The following RNF10 variants were observed in gnomAD, a reference collection of about 807,000 sequenced individuals.
The protein encoded by RNF10 is E3 ubiquitin-protein ligase RNF10.
RNF10 carries 38 observed loss-of-function variants against 91.4 expected under a neutral mutation model. The observed-to-expected ratio is 0.42, with a 90% CI of 0.32 to 0.54. The LOEUF is 0.54. Among genes scored for constraint, RNF10 ranks in the 20% least tolerant of loss-of-function variants. RNF10 has a pLI of 0.16. For missense variants in RNF10, 945 were observed against 1,012.0 expected (o/e 0.93, Z 0.90); for synonymous variants, 364 against 366.3 (o/e 0.99, Z 0.07).
In RNF10 at chr12:120,563,574, G is replaced by A; in HGVS notation, c.1482G>A (p.Lys494=). The A allele has an allele frequency of 1.2e-6, 2 of 1,613,444 alleles. No homozygotes were observed. Among genetic ancestry groups the A allele is most frequent in the Non-Finnish European group, 1.7e-6 (2 of 1,179,614 alleles). ...TESSQQEPIT[K]SGFTRLSSSP... is the part of the protein sequence containing the mutation. ...CCAGCCAGCAGGAACCCATCACCAA[G>A]TCAGGCTTCACACGCCTCAGCAGCT... The change falls in exon 9 of 17, where the codon AAG becomes AAA. Residue 494 remains lysine, a synonymous_variant. Coordinates refer to ENST00000325954, the MANE Select transcript of RNF10 (RefSeq NM_014868.5).
intron 13 of RNF10, among the ~76,000 whole-genome samples, chr12:120,569,874 C>G (rs1287498007): frequency 6.6e-6 from 1 of 151,572 alleles, no homozygotes; most frequent in Non-Finnish European, 1.5e-5. Context: ...CACATACTGT[C>G]TTTTCTGAAA....
chr12:120,542,079 GATGGTCTTGATCTCCTGACC>G (rs1871657050), intron 1 of RNF10, among the ~76,000 whole-genome samples: 2 of 151,632 alleles, frequency 1.3e-5, no homozygotes, highest in Admixed American at 1.3e-4. Flanking sequence ...TGTTAGCCAG[GATGGTCTTGATCTCCTGACC>G]TCGTGATCCA....
intron 2 of RNF10, among the ~76,000 whole-genome samples, chr12:120,551,574 C>T (rs1873099823): frequency 6.6e-6 from 1 of 151,882 alleles, no homozygotes; most frequent in Non-Finnish European, 1.5e-5. Context: ...GCTGGGATTA[C>T]AGGCATGAGC....
At chr12:120,576,003 T>C in intron 16 of RNF10, 53 bp downstream of exon 16, 1 of 1,579,592 alleles carries the variant, frequency 6.3e-7, no homozygotes, top group Non-Finnish European at 8.7e-7. Context: ...ACACATGTAC[T>C]GCCATTCCCG....
At chr12:120,568,975 T>G (rs1180566668) in intron 13 of RNF10, among the ~76,000 whole-genome samples, 1 of 151,856 alleles carries the variant, frequency 6.6e-6, no homozygotes, top group Non-Finnish European at 1.5e-5. Context: ...TCTTGTTTTG[T>G]TTTGTTTTGT....
In RNF10 at chr12:120,548,438, G is replaced by T. The variant is rs565435912; in HGVS notation, c.354+1837G>T. 5.9e-5 allele frequency among the ~76,000 whole-genome samples: 9 copies of T among 152,124 alleles called. No homozygotes were observed. The South Asian group carries it at 6.2e-4, about 10-fold the overall frequency. The stretch of plus-strand genomic sequence containing the variant: ...GGGAGGAAAATTGCTGAAAGGTGTT[G>T]CAGAAGGTGATCAGTTTTGTCAAGT... On this transcript the variant is annotated intron_variant, in intron 2 of 16. Coordinates refer to ENST00000325954, the MANE Select transcript of RNF10 (RefSeq NM_014868.5).
intron 10 of RNF10, among the ~76,000 whole-genome samples, chr12:120,564,242 T>C (rs1476341103): frequency 1.3e-5 from 2 of 152,188 alleles, no homozygotes; most frequent in Non-Finnish European, 2.9e-5. Flanking sequence ...ATCCTCCTTA[T>C]TGCTTGGGAG....
chr12:120,550,230 G>A (rs1039456726), intron 2 of RNF10, among the ~76,000 whole-genome samples: 12 of 152,148 alleles, frequency 7.9e-5, no homozygotes, highest in African/African-American at 2.9e-4. Flanking sequence ...CATTACAGCT[G>A]TAGAACGGAA....
At chr12:120,565,860 C>G (rs1875607735) in intron 12 of RNF10, among the ~76,000 whole-genome samples, 1 of 152,230 alleles carries the variant, frequency 6.6e-6, no homozygotes, top group Non-Finnish European at 1.5e-5. Flanking sequence ...TTACCTCTGA[C>G]TCTTTATTAA....
At chr12:120,558,114 A>T (rs1220241959) in intron 6 of RNF10, among the ~76,000 whole-genome samples, 1 of 152,244 alleles carries the variant, frequency 6.6e-6, no homozygotes, top group Non-Finnish European at 1.5e-5. Context: ...TGATTAAAAT[A>T]GCATTTCAGT....
intron 9 of RNF10, 23 bp from the exon 10 acceptor site, chr12:120,563,787 G>A (rs770434287): frequency 5.6e-6 from 9 of 1,613,550 alleles, no homozygotes; most frequent in Middle Eastern, 1.7e-4. Flanking sequence ...AGACTGGTGT[G>A]TGATAGAGCC....
At position 120,565,126 on chromosome 12, in the gene RNF10, A is replaced by G. The variant is rs1565966097; in HGVS notation, c.1720A>G (p.Ser574Gly). 6.2e-7 allele frequency: 1 copy of G among 1,614,130 alleles called. No homozygotes were observed. Among genetic ancestry groups the G allele is most frequent in the Non-Finnish European group, 8.5e-7 (1 of 1,179,982 alleles). ...LSHLPLTCEF[S>G]ICELALQPPV... ...TCACTTGCCACTCACCTGTGAGTTC[A>G]GCATCTGTGAACTGGCTTTGCAACC... Residue 574 changes from serine to glycine, a missense_variant, in exon 11 of 17, where the codon AGC becomes GGC. By Grantham distance (56) the Ser-to-Gly change is moderately conservative (BLOSUM62 0). Coordinates refer to ENST00000325954, the MANE Select transcript of RNF10 (RefSeq NM_014868.5).
chr12:120,552,206 T>G (rs1254233277), intron 2 of RNF10, among the ~76,000 whole-genome samples: 1 of 151,548 alleles, frequency 6.6e-6, no homozygotes, highest in Non-Finnish European at 1.5e-5. Context: ...ACCAGCATGG[T>G]CAACATGGCG....
Position 120,553,224 on chromosome 12 carries a change from C to T in RNF10, c.554+526C>T, listed in dbSNP as rs1291982689. Among the ~76,000 whole-genome samples the T allele has an allele frequency of 2.7e-5, 4 of 150,278 alleles. No homozygotes were observed. The Admixed American group carries it at 2.7e-4, about 10-fold the overall frequency. ...TCAGCCTCCCGAATAGCTGGGACTA[C>T]AGGTGCATACCACCACCCCCGTCTA... On this transcript the variant is annotated intron_variant, in intron 3 of 16. Transcript: ENST00000325954.
Position 120,575,644 on chromosome 12 carries a change from G to GAA in RNF10, c.2159_2160dup (p.Ala721LysfsTer19). 1 of 1,614,222 alleles carries GAA rather than the reference G, an allele frequency of 6.2e-7. No homozygotes were observed. ...CCACTTTGGCAGATGCTGAGGGTTGGAAAAGCAAAAGCAGATGTGTGGCCC... is the reference window on the plus strand; with the variant it reads ...CCACTTTGGCAGATGCTGAGGGTTGGAAAAAAGCAAAAGCAGATGTGTGGCCC... On this transcript the variant is annotated frameshift_variant, in exon 15 of 17. Transcript: ENST00000325954. LOFTEE classifies it high-confidence loss of function.
In RNF10 at chr12:120,576,652, G is replaced by A. The variant is rs148836482; in HGVS notation, c.2422G>A (p.Val808Ile). Reference sequence around the variant, plus strand: ...GAAGCTCCTGTTCAGCACCTCAGTCGTCCACACCAAGTGACACTACTGGCC... The same window carrying A: ...GAAGCTCCTGTTCAGCACCTCAGTCATCCACACCAAGTGACACTACTGGCC... ...KQKLLFSTSVVHTK is the reference protein window; with the variant it reads ...KQKLLFSTSVIHTK Residue 808 changes from valine (V) to isoleucine (I), a missense_variant, in exon 17 of 17, where the codon GTC becomes ATC. Val to Ile is a conservative substitution (Grantham distance 29). Coordinates refer to ENST00000325954, the MANE Select transcript of RNF10 (RefSeq NM_014868.5). 1.7e-5 allele frequency: 27 copies of A among 1,613,624 alleles called. No homozygotes were observed. The highest frequency in any genetic ancestry group is 1.3e-4 in the African/African-American group (10 of 74,864).
intron 9 of RNF10, 31 bp downstream of exon 9, chr12:120,563,654 C>T: frequency 2.5e-6 from 4 of 1,574,900 alleles, no homozygotes; most frequent in Non-Finnish European, 3.4e-6. Flanking sequence ...GGCTGGGTTG[C>T]CGCAGAGGTG....
Position 120,575,833 on chromosome 12 carries a change from G to A in RNF10, c.2242G>A (p.Gly748Arg), listed in dbSNP as rs760523271. Residue 748 changes from glycine (G) to arginine (R), a missense_variant, in exon 16 of 17, where the codon GGG (glycine) becomes AGG (arginine). Physicochemically the swap from Gly to Arg is moderately radical, Grantham distance 125. Coordinates refer to ENST00000325954, the MANE Select transcript of RNF10 (RefSeq NM_014868.5). ...TCCTCCTGCCCCTGTGGACAGCGAC[G>A]GGGAGAGTGATAATTCAGACCGTGT... ...LVPPAPVDSDGESDNSDRVPV... is the reference protein window; with the variant it reads ...LVPPAPVDSDRESDNSDRVPV... The A allele has an allele frequency of 6.2e-7, 1 of 1,614,148 alleles. No homozygotes were observed. The highest frequency in any genetic ancestry group is 8.5e-7 in the Non-Finnish European group (1 of 1,180,026).
intron 2 of RNF10, among the ~76,000 whole-genome samples, chr12:120,550,187 T>G (rs1456645196): frequency 6.6e-6 from 1 of 152,190 alleles, no homozygotes; most frequent in East Asian, 1.9e-4. Context: ...AAGTGCTTAG[T>G]AGCTACATGT....
Sources: gnomAD v4.1 joint callset for allele counts (sites outside exome capture counted in the v4.1 genomes callset) on GRCh38, gnomAD v4.1.1 for gene constraint, MANE v1.5 for transcripts, NCBI Gene and HGNC (gene_info 2026-07-23, HGNC 2026-07-21) for gene names.